SEMA5A: variants seen among roughly 807,000 people sequenced by gnomAD.
The protein encoded by SEMA5A is semaphorin-5A.
SEMA5A carries 55 observed loss-of-function variants against 135.5 expected under a neutral mutation model. The ratio of observed to expected loss-of-function variants is 0.41; its 90% CI spans 0.33 to 0.51. The LOEUF is 0.51. Among genes scored for constraint, SEMA5A ranks in the 20% least tolerant of loss-of-function variants. The probability of loss-of-function intolerance (pLI) is 0.37; values close to 1 mark genes in which losing one functional copy is unlikely to be tolerated. For synonymous variants in SEMA5A, 580 were observed against 546.5 expected (o/e 1.06, Z -0.85); for missense variants, 1,290 against 1,419.9 (o/e 0.91, Z 1.47).
At position 9,545,492 on chromosome 5, in the gene SEMA5A, AG is replaced by A. The variant is rs576882445; in HGVS notation, c.-175+91del. ...GCACCACCCACCAGCCGACCGCTGC[AG>A]TCCCCGGGTCCCGGCCAGCGGCGCG... On this transcript the variant is annotated intron_variant, in intron 1 of 22. Coordinates refer to ENST00000382496, the MANE Select transcript of SEMA5A (RefSeq NM_003966.3). This position sits in a 1 kb window ranked among gnomAD's most constrained non-coding sequence, Gnocchi z 4.5. The A allele has an allele frequency of 1.0e-3, 159 of 152,488 alleles. No homozygotes were observed. Among genetic ancestry groups the A allele is most frequent in the African/African-American group, 3.6e-3 (151 of 41,538 alleles). The allele number at this position is 152,488 out of a possible 1,614,324, so 9.4% of individuals were successfully genotyped here.
chr5:9,162,791 G>T (rs1743366882), intron 11 of SEMA5A, among the ~76,000 whole-genome samples: 1 of 151,764 alleles, frequency 6.6e-6, no homozygotes. Context: ...GGTTGGAAGG[G>T]ACGTAAAACA....
intron 9 of SEMA5A, among the ~76,000 whole-genome samples, chr5:9,199,723 C>T (rs749093675): frequency 4.6e-5 from 7 of 152,036 alleles, no homozygotes; most frequent in Non-Finnish European, 7.4e-5. Context: ...TAATACTTTA[C>T]TACAATCTCT....
chr5:9,398,961 C>T (rs192483332), intron 2 of SEMA5A, among the ~76,000 whole-genome samples: 3 of 152,110 alleles, frequency 2.0e-5, no homozygotes, highest in African/African-American at 7.2e-5. Context: ...AAATATTGTA[C>T]CATCATCATC....
intron 8 of SEMA5A, among the ~76,000 whole-genome samples, chr5:9,222,463 T>C (rs1224740589): frequency 1.3e-5 from 2 of 152,112 alleles, no homozygotes; most frequent in Non-Finnish European, 2.9e-5. Context: ...CTTCCCAATG[T>C]AGGCCAGGGA....
intron 1 of SEMA5A, among the ~76,000 whole-genome samples, chr5:9,459,363 C>CAT (rs1758970045): frequency 6.6e-6 from 1 of 152,224 alleles, no homozygotes; most frequent in South Asian, 2.1e-4. Context: ...TTGCAGCACC[C>CAT]ATCTTGGCAG....
At chr5:9,209,719 G>T (rs1805964) in intron 8 of SEMA5A, among the ~76,000 whole-genome samples, 63,299 of 152,014 alleles carry the variant, frequency 0.42, 13,545 homozygotes, top group South Asian at 0.57. Flanking sequence ...CCAAGACACA[G>T]GGAGCCGACT....
chr5:9,107,118 C>T (rs1739961326), intron 16 of SEMA5A, among the ~76,000 whole-genome samples: 1 of 152,178 alleles, frequency 6.6e-6, no homozygotes, highest in African/African-American at 2.4e-5. Context: ...CAAAGGCCAA[C>T]TGGAAAGATC....
At chr5:9,135,358 T>C (rs76859700) in intron 13 of SEMA5A, among the ~76,000 whole-genome samples, 11,349 of 151,796 alleles carry the variant, frequency 0.075, 465 homozygotes, top group South Asian at 0.15. Context: ...TTTTTTGTAT[T>C]TTTTAGCAGA....
intron 1 of SEMA5A, among the ~76,000 whole-genome samples, chr5:9,482,339 G>A (rs867111845): frequency 1.1e-4 from 17 of 152,258 alleles, no homozygotes; most frequent in Middle Eastern, 3.4e-3. Context: ...TGGAGGCCTT[G>A]TAATGTAGAG....
chr5:9,187,243 C>G (rs1228891507), intron 11 of SEMA5A, among the ~76,000 whole-genome samples: 1 of 151,918 alleles, frequency 6.6e-6, no homozygotes, highest in Non-Finnish European at 1.5e-5. Flanking sequence ...GAATATCATT[C>G]TTAATTAAAA....
intron 1 of SEMA5A, among the ~76,000 whole-genome samples, chr5:9,488,212 T>C (rs1218415828): frequency 6.6e-6 from 1 of 152,142 alleles, no homozygotes; most frequent in East Asian, 1.9e-4. Context: ...CCACTTTGGC[T>C]TCTCGAGTTT....
chr5:9,355,949 T>A (rs754921192), intron 3 of SEMA5A, among the ~76,000 whole-genome samples: 1 of 152,344 alleles, frequency 6.6e-6, no homozygotes, highest in East Asian at 1.9e-4. Flanking sequence ...GCGATGGCTA[T>A]GACGATTTTG....
At chr5:9,541,339 T>A (rs77836114) in intron 1 of SEMA5A, among the ~76,000 whole-genome samples, 1 of 152,146 alleles carries the variant, frequency 6.6e-6, no homozygotes, top group Non-Finnish European at 1.5e-5. Flanking sequence ...ATTTTTCCAG[T>A]GTATACTTCC....
At chr5:9,450,639 A>T (rs1340083561) in intron 1 of SEMA5A, among the ~76,000 whole-genome samples, 1 of 152,100 alleles carries the variant, frequency 6.6e-6, no homozygotes, top group Non-Finnish European at 1.5e-5. Flanking sequence ...AGCCACAGAG[A>T]AAAGTTTGAA....
At chr5:9,387,972 C>T (rs1407420316) in intron 2 of SEMA5A, among the ~76,000 whole-genome samples, 1 of 152,124 alleles carries the variant, frequency 6.6e-6, no homozygotes, top group Admixed American at 6.5e-5. Context: ...CAAGTTTCAG[C>T]TGAAAGAAGT....
At chr5:9,074,881 C>G (rs772613201) in intron 16 of SEMA5A, among the ~76,000 whole-genome samples, 13 of 152,162 alleles carry the variant, frequency 8.5e-5, no homozygotes, top group Admixed American at 2.0e-4. Context: ...TTTAGATTTA[C>G]TCAGCCACCC....
chr5:9,058,723 G>A (rs1165258259), intron 18 of SEMA5A, among the ~76,000 whole-genome samples: 1 of 152,176 alleles, frequency 6.6e-6, no homozygotes, highest in Non-Finnish European at 1.5e-5. Flanking sequence ...CAGGCTTCCT[G>A]TGTGTGATCA....
At chr5:9,193,047 T>C (rs1467291143) in intron 10 of SEMA5A, among the ~76,000 whole-genome samples, 2 of 152,188 alleles carry the variant, frequency 1.3e-5, no homozygotes, top group Non-Finnish European at 2.9e-5. Context: ...GTATCAATCT[T>C]ATTTATGACT....
intron 5 of SEMA5A, among the ~76,000 whole-genome samples, chr5:9,313,725 T>C (rs554140438): frequency 1.2e-4 from 19 of 152,240 alleles, no homozygotes; most frequent in African/African-American, 4.3e-4. Context: ...ACAGAATGGG[T>C]TACAAAGAGG....
Sources: gnomAD v4.1 joint callset for allele counts (sites outside exome capture counted in the v4.1 genomes callset) on GRCh38, gnomAD v4.1.1 for gene constraint, Gnocchi (gnomAD v3.1) non-coding constraint, MANE v1.5 for transcripts, NCBI Gene and HGNC (gene_info 2026-07-23, HGNC 2026-07-21) for gene names.